The following KDM2B variants were observed in gnomAD, a reference collection of about 807,000 sequenced individuals.
The protein encoded by KDM2B is lysine demethylase 2B, also known as lysine-specific demethylase 2B.
KDM2B carries 26 observed loss-of-function variants against 150.0 expected under a neutral mutation model. That is an observed-to-expected ratio of 0.17 (90% CI 0.13 to 0.24). KDM2B has a LOEUF of 0.24. KDM2B is among the 10% of genes least tolerant of loss of function. The probability of loss-of-function intolerance (pLI) is 1.00; values close to 1 mark genes in which losing one functional copy is unlikely to be tolerated. For missense variants in KDM2B, 1,265 were observed against 1,816.9 expected, an observed-to-expected ratio of 0.70 and a Z score of 5.52; for synonymous variants, 734 against 729.5, an observed-to-expected ratio of 1.01 and a Z score of -0.10.
In KDM2B at chr12:121,430,301, T is replaced by C; in HGVS notation, c.3998A>G (p.Gln1333Arg). 1 of 1,614,224 alleles carries C rather than the reference T, an allele frequency of 6.2e-7. No individual in the cohort carries two copies. The highest frequency in any genetic ancestry group is 8.5e-7 in the Non-Finnish European group (1 of 1,180,046). Residue 1333 changes from glutamine to arginine, a missense_variant, in exon 23 of 23, where the codon CAA becomes CGA. Gln to Arg is a conservative substitution (Grantham distance 43). This residue lies in a region of KDM2B where 251 missense variants were observed against 397.8 expected (regional missense o/e 0.63). Transcript: ENST00000377071. This position sits in a 1 kb window ranked among gnomAD's most constrained non-coding sequence, Gnocchi z 4.4. Reference protein sequence around the residue: ...QFGQVEEKLLQKLS With the variant: ...QFGQVEEKLLRKLS ...CTTATCCTTGGACTAACTCAGTTTTTGCAGGAGTTTTTCTTCTACTTGCCC... is the reference window on the plus strand; with the variant it reads ...CTTATCCTTGGACTAACTCAGTTTTCGCAGGAGTTTTTCTTCTACTTGCCC...
At chr12:121,500,370 G>A (rs569370484) in intron 11 of KDM2B, among the ~76,000 whole-genome samples, 23 of 152,312 alleles carry the variant, frequency 1.5e-4, no homozygotes, top group African/African-American at 4.6e-4. Flanking sequence ...AGATCCAACC[G>A]TGGGACCCTT....
At chr12:121,494,757 A>C in intron 11 of KDM2B, 92 bp from the exon 12 acceptor site, 1 of 955,884 alleles carries the variant, frequency 1.0e-6, no homozygotes, top group Non-Finnish European at 1.5e-6. Context: ...CAAGGATCAC[A>C]CTCCACAAAG....
chr12:121,535,645 AAGG>A (rs1209565640), intron 6 of KDM2B, among the ~76,000 whole-genome samples: 2 of 152,182 alleles, frequency 1.3e-5, no homozygotes, highest in African/African-American at 2.4e-5. Context: ...AGAGGAAGAG[AAGG>A]AGGAGGAAGA....
chr12:121,448,093 C>T (rs569821502), intron 13 of KDM2B, among the ~76,000 whole-genome samples: 5 of 152,110 alleles, frequency 3.3e-5, no homozygotes, highest in African/African-American at 9.6e-5. Flanking sequence ...CCAAGGCAGG[C>T]GGATTGCCTG....
chr12:121,527,986 A>G (rs937648794), intron 8 of KDM2B, among the ~76,000 whole-genome samples: 11 of 152,272 alleles, frequency 7.2e-5, no homozygotes, highest in African/African-American at 2.2e-4. Context: ...CCAACCTCCT[A>G]TTCCCCGGGG....
intron 9 of KDM2B, among the ~76,000 whole-genome samples, chr12:121,517,723 G>T (rs1886344867): frequency 6.6e-6 from 1 of 151,710 alleles, no homozygotes; most frequent in African/African-American, 2.4e-5. Context: ...CGCCTGCCTT[G>T]GCCTCCCAAA....
intron 4 of KDM2B, 176 bp downstream of exon 4, chr12:121,574,371 T>C (rs1431677613): frequency 1.0e-5 from 6 of 581,662 alleles, no homozygotes; most frequent in Non-Finnish European, 1.8e-5. Context: ...TTCTTAAGAC[T>C]GCAACCCTAC....
intron 8 of KDM2B, among the ~76,000 whole-genome samples, chr12:121,532,545 G>A (rs935307187): frequency 6.6e-6 from 1 of 152,238 alleles, no homozygotes; most frequent in Non-Finnish European, 1.5e-5. Context: ...AGGAAGTCCT[G>A]CACAGGGATT....
chr12:121,487,372 G>A (rs1555299093), intron 12 of KDM2B, among the ~76,000 whole-genome samples: 1 of 152,142 alleles, frequency 6.6e-6, no homozygotes, highest in African/African-American at 2.4e-5. Flanking sequence ...TGACTCAGAC[G>A]TCAGGAGGAA....
rs1555295074 is a variant in KDM2B, at chr12:121,467,325, G to C, written c.1735-13981C>G. ...TGGCTCGGGCTCGGGCTCGGGCTCGGGCTCCCGCTGCCGCGAGGAGGGAGC... is the reference window on the plus strand; with the variant it reads ...TGGCTCGGGCTCGGGCTCGGGCTCGCGCTCCCGCTGCCGCGAGGAGGGAGC... On this transcript the variant is annotated intron_variant, in intron 12 of 22. Coordinates refer to ENST00000377071, the MANE Select transcript of KDM2B (RefSeq NM_032590.5). This position sits in a 1 kb window ranked among gnomAD's most constrained non-coding sequence, Gnocchi z 5.1. 12 of 982,484 alleles carry C rather than the reference G, an allele frequency of 1.2e-5. No individual in the cohort carries two copies. Among genetic ancestry groups the C allele is most frequent in the Non-Finnish European group, 1.4e-5 (12 of 828,910 alleles). The allele number at this position is 982,484 out of a possible 1,614,324, so 60.9% of individuals were successfully genotyped here.
chr12:121,495,683 G>A (rs1017319379), intron 11 of KDM2B, among the ~76,000 whole-genome samples: 2 of 152,280 alleles, frequency 1.3e-5, no homozygotes, highest in East Asian at 3.9e-4. Context: ...CGTACTCAGC[G>A]AAGCAAACAA....
intron 13 of KDM2B, among the ~76,000 whole-genome samples, chr12:121,447,150 A>G (rs1018836749): frequency 2.0e-5 from 3 of 152,222 alleles, no homozygotes; most frequent in Non-Finnish European, 2.9e-5. Context: ...CAAGTAGTAT[A>G]TATCTGTGTG....
Position 121,453,656 on chromosome 12 carries a change from C to T in KDM2B, c.1735-312G>A, listed in dbSNP as rs2138806055. Among the ~76,000 whole-genome samples the T allele has an allele frequency of 6.6e-6, 1 of 152,258 alleles. No homozygotes were observed. The highest frequency in any genetic ancestry group is 1.9e-4 in the East Asian group (1 of 5,182). ...CACAGGCCTTCCACAGACTGGAGCC[C>T]TGTCTACAAGCCAAGAAGTGCCAAG... On this transcript the variant is annotated intron_variant, in intron 12 of 22. Coordinates refer to ENST00000377071, the MANE Select transcript of KDM2B (RefSeq NM_032590.5). This position sits in a 1 kb window ranked among gnomAD's most constrained non-coding sequence, Gnocchi z 6.4.
chr12:121,559,423 C>T (rs925690070), intron 4 of KDM2B, among the ~76,000 whole-genome samples: 12 of 152,118 alleles, frequency 7.9e-5, no homozygotes, highest in Non-Finnish European at 1.5e-5. Flanking sequence ...CCTCCCCTCC[C>T]CCAGGGAAAC....
chr12:121,442,579 G>A lies in KDM2B; in HGVS notation c.2862C>T (p.Leu954=). The stretch of plus-strand genomic sequence containing the variant: ...TCTCCGTCCTCTGGATCTCGTGGTT[G>A]AGCTCCTTGCTCAGCTCCCTGCTCA... ...KELSRELSKE[L]NHEIQRTENS... is the part of the protein sequence containing the mutation. Residue 954 remains leucine, a synonymous_variant, in exon 19 of 23, where the codon CTC becomes CTT. Transcript: ENST00000377071. This position sits in a 1 kb window ranked among gnomAD's most constrained non-coding sequence, Gnocchi z 7.7. The A allele has an allele frequency of 1.2e-6, 2 of 1,601,274 alleles. No individual in the cohort carries two copies. The highest frequency in any genetic ancestry group is 8.5e-7 in the Non-Finnish European group (1 of 1,179,822).
intron 13 of KDM2B, among the ~76,000 whole-genome samples, chr12:121,448,299 GAC>G (rs1663926070): frequency 9.0e-6 from 1 of 111,060 alleles, no homozygotes; most frequent in African/African-American, 3.5e-5. Flanking sequence ...CAGCCTGAGC[GAC>G]ACAGCAAGAC....
chr12:121,410,069 G>A, the KDM2B span, among the ~76,000 whole-genome samples: 5 of 151,856 alleles, frequency 3.3e-5, no homozygotes, highest in South Asian at 2.1e-4. Flanking sequence ...CAGCAGAATC[G>A]GTTGAACCTG....
intron 1 of KDM2B, 108 bp downstream of exon 1, chr12:121,580,678 C>G: frequency 2.8e-6 from 4 of 1,425,746 alleles, no homozygotes; most frequent in Non-Finnish European, 3.8e-6. Flanking sequence ...GCGTGAAAGC[C>G]CCCGGGGCCT....
chr12:121,514,097 C>T (rs1436814620), intron 9 of KDM2B, among the ~76,000 whole-genome samples: 1 of 152,122 alleles, frequency 6.6e-6, no homozygotes, highest in Non-Finnish European at 1.5e-5. Flanking sequence ...TGATGCTGAG[C>T]TGAGGGAGAC....
Sources: allele counts gnomAD v4.1 joint callset (sites outside exome capture counted in the v4.1 genomes callset), GRCh38; gene constraint gnomAD v4.1.1; regional missense constraint gnomAD v4.1.1; non-coding constraint Gnocchi (gnomAD v3.1); transcripts MANE v1.5; gene names NCBI Gene and HGNC (gene_info 2026-07-23, HGNC 2026-07-21).